ZNF787: variants seen among roughly 807,000 people sequenced by gnomAD.
ZNF787 encodes the protein TTF-I-interacting peptide 20.
In ZNF787, 7 loss-of-function variants were observed where a neutral mutation model predicts 16.9. The ratio of observed to expected loss-of-function variants is 0.42; its 90% CI spans 0.24 to 0.78. The LOEUF is 0.78. Among genes scored for constraint, ZNF787 ranks in the 30% least tolerant of loss-of-function variants. The probability of loss-of-function intolerance (pLI) is 0.30; values close to 1 mark genes in which losing one functional copy is unlikely to be tolerated. For synonymous variants in ZNF787, 345 were observed against 270.9 expected (o/e 1.27, Z -2.69); for missense variants, 551 against 589.3 (o/e 0.94, Z 0.67).
intron 1 of ZNF787, among the ~76,000 whole-genome samples, chr19:56,104,793 G>A (rs1049301541): frequency 6.6e-6 from 1 of 152,248 alleles, no homozygotes; most frequent in Admixed American, 6.5e-5. Flanking sequence ...TTTGCCACGC[G>A]CCCGAGTTGT....
chr19:56,108,791 C>T (rs1327970920), intron 1 of ZNF787, among the ~76,000 whole-genome samples: 4 of 152,100 alleles, frequency 2.6e-5, no homozygotes, highest in South Asian at 4.1e-4. Context: ...GACAGGCAGA[C>T]CTCCCCTCGG....
At chr19:56,114,183 C>A (rs2030062973) in intron 1 of ZNF787, among the ~76,000 whole-genome samples, 1 of 152,204 alleles carries the variant, frequency 6.6e-6, no homozygotes, top group South Asian at 2.1e-4. Flanking sequence ...CAAACCCCCT[C>A]CCTTCCAGCT....
In ZNF787 at chr19:56,088,472, C is replaced by A; in HGVS notation, c.700G>T (p.Ala234Ser). The A allele has an allele frequency of 1.5e-6, 2 of 1,330,554 alleles. No homozygotes were observed. Among genetic ancestry groups the A allele is most frequent in the Non-Finnish European group, 1.9e-6 (2 of 1,042,036 alleles). 82.4% of individuals were successfully genotyped at this position (1,330,554 alleles called of 1,614,324 possible). A position where few individuals can be genotyped will look rare whatever the true frequency, so the allele number is the denominator to read the frequency against. ...EEAVAADGEI[A>S]IPVGDGEGII... Reference sequence around the variant, plus strand: ...CCCTCGCCATCGCCCACGGGGATGGCGATCTCGCCGTCCGCCGCCACCGCC... The same window carrying A: ...CCCTCGCCATCGCCCACGGGGATGGAGATCTCGCCGTCCGCCGCCACCGCC... Residue 234 changes from alanine (A) to serine (S), a missense_variant, in exon 3 of 3, where the codon GCC becomes TCC. Physicochemically the swap from Ala to Ser is moderately conservative, Grantham distance 99 (BLOSUM62 1). Coordinates refer to ENST00000610935, the MANE Select transcript of ZNF787 (RefSeq NM_001002836.4). This position sits in a 1 kb window ranked among gnomAD's most constrained non-coding sequence, Gnocchi z 8.6.
At chr19:56,109,007 A>AC (rs1262992372) in intron 1 of ZNF787, among the ~76,000 whole-genome samples, 3 of 151,660 alleles carry the variant, frequency 2.0e-5, no homozygotes, top group Non-Finnish European at 4.4e-5. Context: ...CAAGAGACCC[A>AC]CGCCGGGGAG....
intron 1 of ZNF787, among the ~76,000 whole-genome samples, chr19:56,105,019 T>C (rs539352594): frequency 4.0e-5 from 6 of 151,832 alleles, no homozygotes; most frequent in Non-Finnish European, 8.8e-5. Context: ...TCCCAGCTAC[T>C]CAGGAGGCTA....
At chr19:56,096,261 AT>A (rs879942260) in intron 2 of ZNF787, among the ~76,000 whole-genome samples, 15 of 87,372 alleles carry the variant, frequency 1.7e-4, no homozygotes, top group Non-Finnish European at 3.2e-4. Context: ...AATAAAAAAA[AT>A]AAAAAAACTA....
At chr19:56,096,754 A>G (rs753510344) in intron 2 of ZNF787, among the ~76,000 whole-genome samples, 2 of 152,102 alleles carry the variant, frequency 1.3e-5, no homozygotes, top group African/African-American at 2.4e-5. Context: ...AAATAAAATA[A>G]AGAGAGATGA....
At chr19:56,100,438 G>A (rs901626293) in intron 2 of ZNF787, among the ~76,000 whole-genome samples, 8 of 152,294 alleles carry the variant, frequency 5.3e-5, no homozygotes, top group African/African-American at 1.9e-4. Context: ...TAGGCTGAGG[G>A]CCTGGACGCT....
chr19:56,102,941 C>T (rs753154710), intron 2 of ZNF787, 198 bp downstream of exon 2: 2 of 715,130 alleles, frequency 2.8e-6, no homozygotes, highest in South Asian at 2.9e-5. Flanking sequence ...AGAAAGGAAA[C>T]TTGGAGCCAC....
At chr19:56,113,290 C>T (rs1205034482) in intron 1 of ZNF787, among the ~76,000 whole-genome samples, 1 of 152,130 alleles carries the variant, frequency 6.6e-6, no homozygotes, top group Non-Finnish European at 1.5e-5. Context: ...GGTGCGGGCG[C>T]CATAGGAAAC....
chr19:56,095,178 G>A (rs1985825417), intron 2 of ZNF787, among the ~76,000 whole-genome samples: 1 of 152,170 alleles, frequency 6.6e-6, no homozygotes, highest in Admixed American at 6.5e-5. Flanking sequence ...TCCCGCTCCT[G>A]TGAAAATCTC....
chr19:56,089,995 G>C (rs987838994), intron 2 of ZNF787, among the ~76,000 whole-genome samples: 2 of 152,148 alleles, frequency 1.3e-5, no homozygotes, highest in African/African-American at 4.8e-5. Context: ...AATCAGGTGG[G>C]AGGGCCTCAG....
At chr19:56,092,937 A>G (rs1271452215) in intron 2 of ZNF787, among the ~76,000 whole-genome samples, 1 of 146,708 alleles carries the variant, frequency 6.8e-6, no homozygotes, top group Non-Finnish European at 1.5e-5. Context: ...ATCCCCATAG[A>G]CACAGGGCAT....
At chr19:56,096,829 C>A (rs562497131) in intron 2 of ZNF787, among the ~76,000 whole-genome samples, 1 of 152,202 alleles carries the variant, frequency 6.6e-6, no homozygotes, top group Non-Finnish European at 1.5e-5. Context: ...TGTAAGACAC[C>A]GGCTGAAGCT....
intron 2 of ZNF787, among the ~76,000 whole-genome samples, chr19:56,099,663 A>C (rs1229518940): frequency 6.7e-6 from 1 of 148,366 alleles, no homozygotes; most frequent in Admixed American, 6.8e-5. Flanking sequence ...GTGAGCCGAG[A>C]TCGTACCACT....
chr19:56,087,713 T>G lies in ZNF787; in HGVS notation c.*310A>C, dbSNP rs535657245. 8.9e-4 allele frequency: 181 copies of G among 204,316 alleles called. No individual in the cohort carries two copies. Among genetic ancestry groups the G allele is most frequent in the African/African-American group, 3.9e-3 (162 of 41,562 alleles). 12.7% of individuals were successfully genotyped at this position (204,316 alleles called of 1,614,324 possible). On this transcript the variant is annotated 3_prime_UTR_variant, in exon 3 of 3. Transcript: ENST00000610935. ...CTGAGGAAGAGCAGGGAAAATGGCC[T>G]TCCGCTTGGGGCCTGGTCGCCACTC...
At position 56,117,310 on chromosome 19, in the gene ZNF787, C is replaced by G. The variant is rs111391156; in HGVS notation, c.-11+3862G>C. Among the ~76,000 whole-genome samples the G allele has an allele frequency of 1.9e-3, 285 of 147,246 alleles. 5 individuals carry two copies. The highest frequency in any genetic ancestry group is 7.2e-3 in the African/African-American group (269 of 37,266). ...CTAGTACAATCTCACAGAGCCACAG[C>G]GAGGCTTCCACAAGCAGAGTGGCTA... On this transcript the variant is annotated intron_variant, in intron 1 of 2. Coordinates refer to ENST00000610935, the MANE Select transcript of ZNF787 (RefSeq NM_001002836.4).
At chr19:56,089,674 C>G (rs1456861646) in intron 2 of ZNF787, among the ~76,000 whole-genome samples, 1 of 152,204 alleles carries the variant, frequency 6.6e-6, no homozygotes, top group Non-Finnish European at 1.5e-5. Flanking sequence ...AAAGCCCCAC[C>G]TCCGAACCTG....
At chr19:56,094,601 A>C (rs944442816) in intron 2 of ZNF787, among the ~76,000 whole-genome samples, 2 of 151,900 alleles carry the variant, frequency 1.3e-5, no homozygotes, top group African/African-American at 4.8e-5. Flanking sequence ...CTTATTTGCA[A>C]ATCTTTGCCG....
Sources: allele counts gnomAD v4.1 joint callset (sites outside exome capture counted in the v4.1 genomes callset), GRCh38; gene constraint gnomAD v4.1.1; non-coding constraint Gnocchi (gnomAD v3.1); transcripts MANE v1.5; gene names NCBI Gene and HGNC (gene_info 2026-07-23, HGNC 2026-07-21).